The following GAREM1 variants were observed in gnomAD, a reference collection of about 807,000 sequenced individuals.
The protein encoded by GAREM1 is GRB2 associated regulator of MAPK1 subtype 1, also known as GRB2-associated and regulator of MAPK protein 1.
GAREM1 carries 26 observed loss-of-function variants against 71.3 expected under a neutral mutation model. That is an observed-to-expected ratio of 0.36 (90% CI 0.27 to 0.51). The LOEUF is 0.51. Ranked by LOEUF, GAREM1 falls within the 20% of genes least tolerant of loss-of-function variation. The pLI is 0.95. For synonymous variants in GAREM1, 440 were observed against 433.2 expected (o/e 1.02, Z -0.20); for missense variants, 1,026 against 1,103.1 (o/e 0.93, Z 0.99).
chr18:32,367,748 C>G lies in GAREM1; in HGVS notation c.262+25147G>C, dbSNP rs190194238. ...GCAAGCCAGGGAGACACATACGAACCATGATGACCATACAAAGCAACAGGG... is the reference window on the plus strand; with the variant it reads ...GCAAGCCAGGGAGACACATACGAACGATGATGACCATACAAAGCAACAGGG... On this transcript the variant is annotated intron_variant, in intron 2 of 5. Coordinates refer to ENST00000269209, the MANE Select transcript of GAREM1 (RefSeq NM_001242409.2). Among the ~76,000 whole-genome samples the G allele has an allele frequency of 1.3e-3, 193 of 152,236 alleles. 1 individual carries two copies. Among genetic ancestry groups the G allele is most frequent in the African/African-American group, 4.5e-3 (185 of 41,534 alleles).
chr18:32,436,249 T>C (rs2048676949), intron 1 of GAREM1, among the ~76,000 whole-genome samples: 1 of 152,062 alleles, frequency 6.6e-6, no homozygotes, highest in African/African-American at 2.4e-5. Context: ...ATGTAAGAAA[T>C]GCAGCACAGA....
rs149046707 is a variant in GAREM1 at position 32,381,843 on chromosome 18, C to A, written c.262+11052G>T. On this transcript the variant is annotated intron_variant, in intron 2 of 5. Coordinates refer to ENST00000269209, the MANE Select transcript of GAREM1 (RefSeq NM_001242409.2). ...TACTCCTTCCCCTCTATCCCAGAGC[C>A]ATTTGTTACCTTCAGGAATGGTGCC... Among the ~76,000 whole-genome samples, 651 of 152,332 alleles carry A rather than the reference C, an allele frequency of 4.3e-3. 13 individuals are homozygous for A. The highest frequency in any genetic ancestry group is 0.036 in the Admixed American group (547 of 15,292).
At chr18:32,351,630 T>C (rs1003015511) in intron 2 of GAREM1, among the ~76,000 whole-genome samples, 3 of 151,992 alleles carry the variant, frequency 2.0e-5, no homozygotes, top group Non-Finnish European at 1.5e-5. Flanking sequence ...CCTGATAACC[T>C]GGTTAATAAA....
chr18:32,439,511 CT>C (rs969793132), intron 1 of GAREM1, among the ~76,000 whole-genome samples: 11 of 152,106 alleles, frequency 7.2e-5, no homozygotes, highest in African/African-American at 2.7e-4. Flanking sequence ...CCTATTAAAC[CT>C]CTCCAACTCA....
intron 3 of GAREM1, among the ~76,000 whole-genome samples, chr18:32,297,933 T>A (rs1428046281): frequency 6.6e-6 from 1 of 152,190 alleles, no homozygotes; most frequent in African/African-American, 2.4e-5. Context: ...TTTATCTTTA[T>A]AAACATACAC....
At chr18:32,297,711 G>C (rs1358195099) in intron 3 of GAREM1, among the ~76,000 whole-genome samples, 1 of 152,132 alleles carries the variant, frequency 6.6e-6, no homozygotes, top group Non-Finnish European at 1.5e-5. Context: ...TGAACATATG[G>C]AAATAATTCA....
chr18:32,336,217 T>C (rs1037763057), intron 2 of GAREM1, among the ~76,000 whole-genome samples: 6 of 152,046 alleles, frequency 3.9e-5, no homozygotes, highest in Admixed American at 2.6e-4. Flanking sequence ...GATCATGAGG[T>C]CAGGAGATCG....
chr18:32,434,561 T>C (rs1199908054), intron 1 of GAREM1, among the ~76,000 whole-genome samples: 1 of 151,978 alleles, frequency 6.6e-6, no homozygotes, highest in Non-Finnish European at 1.5e-5. Context: ...GCTAGAACAA[T>C]TTGAGCAACA....
chr18:32,426,993 G>C (rs1325721680), intron 1 of GAREM1, among the ~76,000 whole-genome samples: 1 of 151,930 alleles, frequency 6.6e-6, no homozygotes, highest in African/African-American at 2.4e-5. Context: ...AATTGCATAG[G>C]AGCCCTTTCT....
chr18:32,451,513 T>C (rs1413276010), intron 1 of GAREM1, among the ~76,000 whole-genome samples: 1 of 152,192 alleles, frequency 6.6e-6, no homozygotes, highest in Non-Finnish European at 1.5e-5. Context: ...GACTACTTAA[T>C]GCTTCCCTCT....
intron 1 of GAREM1, chr18:32,412,227 C>A: frequency 1.3e-6 from 2 of 1,572,574 alleles, no homozygotes; most frequent in Non-Finnish European, 1.7e-6. Context: ...AAATCTTCTG[C>A]CACTGACACA....
At chr18:32,449,005 C>T (rs2048808879) in intron 1 of GAREM1, among the ~76,000 whole-genome samples, 1 of 152,126 alleles carries the variant, frequency 6.6e-6, no homozygotes, top group Non-Finnish European at 1.5e-5. Flanking sequence ...TTATGATAAG[C>T]AATACGAATG....
In GAREM1 at chr18:32,428,399, AT is replaced by A. The variant is rs2048594227; in HGVS notation, c.122-35365del. On this transcript the variant is annotated intron_variant, in intron 1 of 5. Coordinates refer to ENST00000269209, the MANE Select transcript of GAREM1 (RefSeq NM_001242409.2). Reference sequence around the variant, plus strand: ...GTGGGGCCTGGTGGGAGGTGACTGGATGATGGGGGTGGTTTCTCATGAATGG... The same window carrying A: ...GTGGGGCCTGGTGGGAGGTGACTGGAGATGGGGGTGGTTTCTCATGAATGG... 3.9e-4 allele frequency among the ~76,000 whole-genome samples: 59 copies of A among 152,178 alleles called. No individual in the cohort carries two copies. In the South Asian group the frequency reaches 0.012, roughly 31 times the overall value.
In GAREM1 at chr18:32,287,072, T is replaced by C; in HGVS notation, c.1525A>G (p.Thr509Ala). The C allele has an allele frequency of 6.2e-7, 1 of 1,614,198 alleles. No homozygotes were observed. Among genetic ancestry groups the C allele is most frequent in the Non-Finnish European group, 8.5e-7 (1 of 1,180,010 alleles). ...TLGAAVKSSD[T>A]ALPPPPVPPK... ...GGCACTGGAGGTGGAGGTAGGGCAG[T>C]ATCTGAAGACTTCACTGCTGCTCCC... Residue 509 changes from threonine (T) to alanine (A), a missense_variant, in exon 4 of 6, where the codon ACT becomes GCT. Physicochemically the swap from Thr to Ala is moderately conservative, Grantham distance 58 (BLOSUM62 0). Coordinates refer to ENST00000269209, the MANE Select transcript of GAREM1 (RefSeq NM_001242409.2). The surrounding 1 kb of genome is among the most constrained non-coding windows in gnomAD (Gnocchi z 5.9).
At chr18:32,422,968 A>G (rs1042914496) in intron 1 of GAREM1, among the ~76,000 whole-genome samples, 6 of 152,252 alleles carry the variant, frequency 3.9e-5, no homozygotes, top group Non-Finnish European at 7.3e-5. Flanking sequence ...CTCAAACATT[A>G]TACCATCTGA....
intron 3 of GAREM1, chr18:32,290,241 T>C (rs1403490677): frequency 6.6e-6 from 1 of 152,178 alleles, no homozygotes; most frequent in East Asian, 1.9e-4. Flanking sequence ...ATATTGTTTT[T>C]GTGTCTTCAT....
intron 1 of GAREM1, among the ~76,000 whole-genome samples, chr18:32,409,485 A>G (rs1457614672): frequency 6.6e-6 from 1 of 152,200 alleles, no homozygotes; most frequent in African/African-American, 2.4e-5. Flanking sequence ...AAGAAAATCG[A>G]GATTAATCTA....
At chr18:32,402,554 T>G (rs2048325152) in intron 1 of GAREM1, among the ~76,000 whole-genome samples, 1 of 152,124 alleles carries the variant, frequency 6.6e-6, no homozygotes, top group African/African-American at 2.4e-5. Context: ...TCCTTGCTAT[T>G]TTCTCTCAGT....
intron 1 of GAREM1, among the ~76,000 whole-genome samples, chr18:32,464,976 T>C (rs960642214): frequency 6.6e-6 from 1 of 152,124 alleles, no homozygotes; most frequent in Non-Finnish European, 1.5e-5. Context: ...GAATGAAGAA[T>C]AGGGGCAAGT....
Sources: allele counts gnomAD v4.1 joint callset (sites outside exome capture counted in the v4.1 genomes callset), GRCh38; gene constraint gnomAD v4.1.1; non-coding constraint Gnocchi (gnomAD v3.1); transcripts MANE v1.5; gene names NCBI Gene and HGNC (gene_info 2026-07-23, HGNC 2026-07-21).